FMN1: variants seen among roughly 807,000 people sequenced by gnomAD.
The protein encoded by FMN1 is formin 1, also known as formin-1.
Under a neutral mutation model 132.4 loss-of-function variants are expected in FMN1, and 110 were observed. The observed-to-expected ratio is 0.83, with a 90% CI of 0.71 to 0.97. The LOEUF is 0.97. FMN1 is among the 50% of genes least tolerant of loss of function. The probability of loss-of-function intolerance (pLI) is 0.00; values close to 1 mark genes in which losing one functional copy is unlikely to be tolerated. For synonymous variants in FMN1, 722 were observed against 651.7 expected, an observed-to-expected ratio of 1.11 and a Z score of -1.64; for missense variants, 1,792 against 1,705.3, an observed-to-expected ratio of 1.05 and a Z score of -0.90.
At chr15:32,879,309 T>C (rs2059708270) in intron 16 of FMN1, among the ~76,000 whole-genome samples, 1 of 152,234 alleles carries the variant, frequency 6.6e-6, no homozygotes, top group Admixed American at 6.5e-5. Flanking sequence ...TGGTCAGGAC[T>C]CTGGCTAATG....
intron 7 of FMN1, among the ~76,000 whole-genome samples, chr15:33,003,806 A>C (rs1219377498): frequency 6.6e-6 from 1 of 152,248 alleles, no homozygotes; most frequent in Non-Finnish European, 1.5e-5. Context: ...CTACAAGGCT[A>C]CAGTAACCAA....
chr15:32,778,288 A>G (rs558390090), intron 19 of FMN1, among the ~76,000 whole-genome samples: 3 of 144,604 alleles, frequency 2.1e-5, no homozygotes, highest in Non-Finnish European at 4.5e-5. Context: ...ATATATATAT[A>G]TATTTTTTTG....
At chr15:32,917,206 A>AG (rs1293115339) in intron 10 of FMN1, among the ~76,000 whole-genome samples, 1 of 152,202 alleles carries the variant, frequency 6.6e-6, no homozygotes, top group Non-Finnish European at 1.5e-5. Context: ...AGGCAAGGCC[A>AG]GGGGACCGTA....
At chr15:32,832,109 A>G (rs1306104139) in intron 17 of FMN1, among the ~76,000 whole-genome samples, 3 of 152,228 alleles carry the variant, frequency 2.0e-5, no homozygotes, top group Admixed American at 6.5e-5. Flanking sequence ...AAACACCCGT[A>G]TAACTATGGG....
intron 9 of FMN1, among the ~76,000 whole-genome samples, chr15:32,956,745 G>A (rs1414995689): frequency 2.0e-5 from 3 of 152,148 alleles, no homozygotes; most frequent in South Asian, 2.1e-4. Flanking sequence ...AAAAACTAAC[G>A]CACATTCCTT....
intron 17 of FMN1, among the ~76,000 whole-genome samples, chr15:32,820,508 TCCC>T (rs1176132173): frequency 6.6e-6 from 1 of 150,970 alleles, no homozygotes; most frequent in African/African-American, 2.5e-5. Context: ...ACCCTCTGTC[TCCC>T]CCAACACATA....
intron 19 of FMN1, among the ~76,000 whole-genome samples, chr15:32,782,442 T>G (rs2056695411): frequency 6.6e-6 from 1 of 152,200 alleles, no homozygotes; most frequent in Non-Finnish European, 1.5e-5. Context: ...GCTGATTAAG[T>G]CTTAAACAAG....
chr15:33,048,631 C>CAAAAAAAAAAAAAA (rs768997793), intron 6 of FMN1, among the ~76,000 whole-genome samples: 1 of 43,438 alleles, frequency 2.3e-5, no homozygotes, highest in African/African-American at 7.6e-5. Flanking sequence ...GGCAATTTAC[C>CAAAAAAAAAAAAAA]AAAAAAAAAA....
At chr15:33,076,776 T>C (rs532558193) in intron 5 of FMN1, among the ~76,000 whole-genome samples, 1 of 152,232 alleles carries the variant, frequency 6.6e-6, no homozygotes, top group East Asian at 1.9e-4. Context: ...ACTACGGTAT[T>C]TTATAACAGT....
intron 16 of FMN1, among the ~76,000 whole-genome samples, chr15:32,884,413 T>C (rs2059846116): frequency 6.6e-6 from 1 of 152,200 alleles, no homozygotes; most frequent in African/African-American, 2.4e-5. Context: ...TATCTCCCTC[T>C]GATCATAGCC....
chr15:32,902,376 C>G (rs570318381), intron 12 of FMN1, among the ~76,000 whole-genome samples: 1 of 152,246 alleles, frequency 6.6e-6, no homozygotes, highest in South Asian at 2.1e-4. Flanking sequence ...GTCTTTAACA[C>G]ACGAGAAAAA....
chr15:33,083,259 G>A (rs2038557171), intron 5 of FMN1, among the ~76,000 whole-genome samples: 1 of 152,168 alleles, frequency 6.6e-6, no homozygotes. Flanking sequence ...AATATATATA[G>A]AAGTTGTAAT....
Position 32,769,064 on chromosome 15 carries a change from C to A in FMN1, c.*5246G>T, listed in dbSNP as rs1189793956. On this transcript the variant is annotated 3_prime_UTR_variant, in exon 21 of 21. Coordinates refer to ENST00000616417, the MANE Select transcript of FMN1 (RefSeq NM_001277313.2). ...GAGGAAATGAGTTCCGTAAGTTCCACCAGACAGCAGACCTACTGAATGAGG... is the reference window on the plus strand; with the variant it reads ...GAGGAAATGAGTTCCGTAAGTTCCAACAGACAGCAGACCTACTGAATGAGG... 6.6e-6 allele frequency: 1 copy of A among 152,178 alleles called. No homozygotes were observed. Among genetic ancestry groups the A allele is most frequent in the Admixed American group, 6.5e-5 (1 of 15,282 alleles). 9.4% of individuals were successfully genotyped at this position (152,178 alleles called of 1,614,324 possible).
intron 4 of FMN1, among the ~76,000 whole-genome samples, chr15:33,115,303 A>T (rs1361445774): frequency 2.6e-5 from 4 of 152,186 alleles, no homozygotes; most frequent in Non-Finnish European, 5.9e-5. Context: ...GGGAAATAAT[A>T]CTTGAAGGAT....
At chr15:32,907,017 T>G (rs1471674229) in intron 12 of FMN1, among the ~76,000 whole-genome samples, 1 of 152,082 alleles carries the variant, frequency 6.6e-6, no homozygotes, top group Admixed American at 6.5e-5. Context: ...TTTTCCTGAG[T>G]CTAAATGTCC....
intron 19 of FMN1, among the ~76,000 whole-genome samples, chr15:32,777,386 A>C (rs1397888041): frequency 6.7e-6 from 1 of 149,888 alleles, no homozygotes; most frequent in Non-Finnish European, 1.5e-5. Flanking sequence ...CGGAATGGGA[A>C]AATATAAATA....
At chr15:32,914,856 G>T (rs1341203957) in intron 10 of FMN1, among the ~76,000 whole-genome samples, 1 of 152,184 alleles carries the variant, frequency 6.6e-6, no homozygotes, top group Non-Finnish European at 1.5e-5. Flanking sequence ...GAGTCTAAGA[G>T]GTGAGCATGA....
At chr15:33,119,811 C>T (rs1357442636) in intron 4 of FMN1, among the ~76,000 whole-genome samples, 4 of 152,094 alleles carry the variant, frequency 2.6e-5, no homozygotes, top group African/African-American at 4.8e-5. Flanking sequence ...GAAAGCCAGT[C>T]TTCTTCTTTG....
At chr15:33,025,448 C>A (rs566311571) in intron 6 of FMN1, among the ~76,000 whole-genome samples, 36 of 152,172 alleles carry the variant, frequency 2.4e-4, no homozygotes, top group Middle Eastern at 6.8e-3. Flanking sequence ...GAAAACCTTT[C>A]AAAAATTCTT....
Sources: gnomAD v4.1 joint callset for allele counts (sites outside exome capture counted in the v4.1 genomes callset) on GRCh38, gnomAD v4.1.1 for gene constraint, MANE v1.5 for transcripts, NCBI Gene and HGNC (gene_info 2026-07-23, HGNC 2026-07-21) for gene names.